ZSWIM4: variants seen among roughly 807,000 people sequenced by gnomAD.
ZSWIM4 encodes zinc finger SWIM domain-containing protein 4.
Under a neutral mutation model 102.5 loss-of-function variants are expected in ZSWIM4, and 62 were observed. The observed-to-expected ratio is 0.60, with a 90% CI of 0.49 to 0.75. The LOEUF (loss-of-function observed/expected upper bound fraction) is 0.75, where lower values mean the gene tolerates loss of function less well. Among genes scored for constraint, ZSWIM4 ranks in the 30% least tolerant of loss-of-function variants. The pLI, the probability that ZSWIM4 is intolerant of heterozygous loss-of-function variation, is 0.00. For missense variants in ZSWIM4, 1,280 were observed against 1,529.6 expected (o/e 0.84, Z 2.72); for synonymous variants, 652 against 674.5 (o/e 0.97, Z 0.52).
Position 13,817,273 on chromosome 19 carries a change from C to T in ZSWIM4, c.1589C>T (p.Pro530Leu), listed in dbSNP as rs779349666. The T allele has an allele frequency of 6.2e-7, 1 of 1,614,082 alleles. No individual in the cohort carries two copies. Among genetic ancestry groups the T allele is most frequent in the Admixed American group, 1.7e-5 (1 of 60,012 alleles). ...AACACCGAAGGATGGGTGGGGCACC[C>T]CCTGGACCCCATTGGCTGCCTCTGC... is the stretch of plus-strand genomic sequence containing the variant. ...ITNTEGWVGHPLDPIGCLCRA... is the reference protein window; with the variant it reads ...ITNTEGWVGHLLDPIGCLCRA... Residue 530 changes from proline (P) to leucine (L), a missense_variant, in exon 8 of 14, where the codon CCC (proline) becomes CTC (leucine). Physicochemically the swap from Pro to Leu is moderately conservative, Grantham distance 98 (BLOSUM62 -3). Coordinates refer to ENST00000590508, the MANE Select transcript of ZSWIM4 (RefSeq NM_001367834.3).
Position 13,830,207 on chromosome 19 carries a change from G to T in ZSWIM4, c.2478G>T (p.Met826Ile). The T allele has an allele frequency of 1.2e-6, 2 of 1,611,760 alleles. No individual in the cohort carries two copies. Among genetic ancestry groups the T allele is most frequent in the South Asian group, 1.1e-5 (1 of 91,040 alleles). Residue 826 changes from methionine to isoleucine, a missense_variant, in exon 14 of 14, where the codon ATG becomes ATT. Met to Ile is a conservative substitution (Grantham distance 10). Transcript: ENST00000590508. ...CATEIGPQAL[M>I]NIMQNWYSLF... is the part of the protein sequence containing the mutation. ...TCCCACCAGGCCCGCAAGCCCTGATGAATATCATGCAGAACTGGTATTCCT... is the reference window on the plus strand; with the variant it reads ...TCCCACCAGGCCCGCAAGCCCTGATTAATATCATGCAGAACTGGTATTCCT...
chr19:13,827,588 C>CAAAAAAAAAAAAAAAAA (rs35504300), intron 12 of ZSWIM4, among the ~76,000 whole-genome samples: 1 of 72,516 alleles, frequency 1.4e-5, no homozygotes, highest in Non-Finnish European at 2.7e-5. Flanking sequence ...GTGAGACCCT[C>CAAAAAAAAAAAAAAAAA]AAAAAAAAAA....
rs75791324 is a variant in ZSWIM4 at position 13,813,094 on chromosome 19, C to G, written c.1110C>G (p.Val370=). Residue 370 remains valine (V), a synonymous_variant, in exon 6 of 14, where the codon GTC becomes GTG. Coordinates refer to ENST00000590508, the MANE Select transcript of ZSWIM4 (RefSeq NM_001367834.3). ...TCAGCAGGTGGGACAAGCTCGACGT[C>G]TGCCCACTGGAAGAGGGCAACTACT... is the stretch of plus-strand genomic sequence containing the variant. The part of the protein sequence containing the change: ...QLLSRWDKLD[V]CPLEEGNYSF... 3.5e-3 allele frequency: 5,666 copies of G among 1,614,008 alleles called. 176 individuals carry two copies. In the African/African-American group the frequency reaches 0.067, roughly 19 times the overall value.
rs1390438854 is a variant in ZSWIM4 at position 13,830,869 on chromosome 19, G to A, written c.3140G>A (p.Arg1047His). The A allele has an allele frequency of 1.2e-6, 2 of 1,613,974 alleles. No homozygotes were observed. Among genetic ancestry groups the A allele is most frequent in the South Asian group, 1.1e-5 (1 of 91,074 alleles). ...GCCTACATCACCACCAGCCACTCGCGCCTCACGCACATCAGCCCGCGGCAC... is the reference window on the plus strand; with the variant it reads ...GCCTACATCACCACCAGCCACTCGCACCTCACGCACATCAGCCCGCGGCAC... ...VTAYITTSHSRLTHISPRHYG... is the reference protein window; with the variant it reads ...VTAYITTSHSHLTHISPRHYG... The change falls in exon 14 of 14, where the codon CGC (arginine) becomes CAC (histidine). Residue 1047 changes from arginine (R) to histidine (H), a missense_variant. Transcript: ENST00000590508.
chr19:13,812,623 C>CTTT (rs545020943), intron 5 of ZSWIM4, among the ~76,000 whole-genome samples: 18 of 130,410 alleles, frequency 1.4e-4, no homozygotes, highest in African/African-American at 4.9e-4. Context: ...TCATGCCTGG[C>CTTT]TTTTTTTTTT....
At chr19:13,826,938 G>A (rs988566920) in intron 12 of ZSWIM4, among the ~76,000 whole-genome samples, 2 of 151,322 alleles carry the variant, frequency 1.3e-5, no homozygotes, top group East Asian at 3.9e-4. Context: ...GGGGTCTGCA[G>A]GATAGACAGG....
chr19:13,814,524 A>G lies in ZSWIM4; in HGVS notation c.1190A>G (p.Glu397Gly), dbSNP rs1236509374. 35 of 1,156,414 alleles carry G rather than the reference A, an allele frequency of 3.0e-5. No homozygotes were observed. Among genetic ancestry groups the G allele is most frequent in the Non-Finnish European group, 3.8e-5 (35 of 918,756 alleles). The allele number at this position is 1,156,414 out of a possible 1,614,324, so 71.6% of individuals were successfully genotyped here. The change falls in exon 7 of 14, where the codon GAA (glutamate) becomes GGA (glycine). Residue 397 changes from glutamate (E) to glycine (G), a missense_variant. Physicochemically the swap from Glu to Gly is moderately conservative, Grantham distance 98 (BLOSUM62 -2). Coordinates refer to ENST00000590508, the MANE Select transcript of ZSWIM4 (RefSeq NM_001367834.3). ...PTMAPAPGSE[E>G]EEEVAATSPR... Reference sequence around the variant, plus strand: ...GGGTGCCTCTCTGCAGGCTCGGAGGAAGAGGAAGAGGTGGCAGCCACAAGT... The same window carrying G: ...GGGTGCCTCTCTGCAGGCTCGGAGGGAGAGGAAGAGGTGGCAGCCACAAGT...
chr19:13,817,382 G>T, intron 8 of ZSWIM4, 29 bp downstream of exon 8: 1 of 1,601,240 alleles, frequency 6.2e-7, no homozygotes, highest in Non-Finnish European at 8.5e-7. Flanking sequence ...CTTGGAGGAG[G>T]TGGGACAACC....
Position 13,809,189 on chromosome 19 carries a change from G to C in ZSWIM4, c.981G>C (p.Thr327=). 1.2e-6 allele frequency: 2 copies of C among 1,611,064 alleles called. No homozygotes were observed. Among genetic ancestry groups the C allele is most frequent in the Non-Finnish European group, 1.7e-6 (2 of 1,178,750 alleles). ...ALWRQQGAGM[T]DKCRQLWDEL... is the part of the protein sequence containing the mutation. ...GGCGGCAGCAGGGCGCGGGCATGAC[G>C]GACAAGTGCCGGCAGCTCTGGGATG... The change falls in exon 5 of 14, where the codon ACG becomes ACC. Residue 327 remains threonine (T), a synonymous_variant. Transcript: ENST00000590508. This position sits in a 1 kb window ranked among gnomAD's most constrained non-coding sequence, Gnocchi z 4.2.
rs1975582900 is a variant in ZSWIM4, at chr19:13,825,559, A to G, written c.2225A>G (p.Lys742Arg). 7 of 1,613,974 alleles carry G rather than the reference A, an allele frequency of 4.3e-6. No individual in the cohort carries two copies. The highest frequency in any genetic ancestry group is 5.9e-6 in the Non-Finnish European group (7 of 1,179,908). Reference sequence around the variant, plus strand: ...CCCGCCCTTCACCCAGGAGACCCCAAGTGGCTGCACACGGTACTGGGCTCC... The same window carrying G: ...CCCGCCCTTCACCCAGGAGACCCCAGGTGGCTGCACACGGTACTGGGCTCC... ...TMLTAAKGDP[K>R]WLHTVLGSIQ... The change falls in exon 12 of 14, where the codon AAG (lysine) becomes AGG (arginine). Residue 742 changes from lysine to arginine, a missense_variant. Physicochemically the swap from Lys to Arg is conservative, Grantham distance 26. Coordinates refer to ENST00000590508, the MANE Select transcript of ZSWIM4 (RefSeq NM_001367834.3). The surrounding 1 kb of genome is among the most constrained non-coding windows in gnomAD (Gnocchi z 4.6).
chr19:13,822,847 T>C (rs1599611308), intron 10 of ZSWIM4, among the ~76,000 whole-genome samples: 1 of 151,984 alleles, frequency 6.6e-6, no homozygotes. Context: ...GGTGTGGTAG[T>C]ACACGCCTGT....
At position 13,825,537 on chromosome 19, in the gene ZSWIM4, G is replaced by C; in HGVS notation, c.2216-13G>C. 2.5e-6 allele frequency: 4 copies of C among 1,612,782 alleles called. No homozygotes were observed. The highest frequency in any genetic ancestry group is 3.4e-6 in the Non-Finnish European group (4 of 1,179,102). On this transcript the variant is annotated splice_polypyrimidine_tract_variant and intron_variant, in intron 11 of 13. Transcript: ENST00000590508. The surrounding 1 kb of genome is among the most constrained non-coding windows in gnomAD (Gnocchi z 4.6). ...TGTATCCGATGGTGTCCTCTGTCCCGCCCTTCACCCAGGAGACCCCAAGTG... is the reference window on the plus strand; with the variant it reads ...TGTATCCGATGGTGTCCTCTGTCCCCCCCTTCACCCAGGAGACCCCAAGTG...
Position 13,795,795 on chromosome 19 carries a change from C to T in ZSWIM4, c.147C>T (p.Phe49=). The T allele has an allele frequency of 8.0e-7, 1 of 1,251,280 alleles. No homozygotes were observed. The highest frequency in any genetic ancestry group is 1.0e-6 in the Non-Finnish European group (1 of 997,118). The allele number at this position is 1,251,280 out of a possible 1,614,324, so 77.5% of individuals were successfully genotyped here. ...AGCGGGTAGCCGAGAGCTGGGCCTTCGAGCAGGTGACCGCGGGGGAAGGGG... is the reference window on the plus strand; with the variant it reads ...AGCGGGTAGCCGAGAGCTGGGCCTTTGAGCAGGTGACCGCGGGGGAAGGGG... The part of the protein sequence containing the change: ...SAKRVAESWA[F]EQVEERFSRV... The change falls in exon 1 of 14, where the codon TTC becomes TTT. Residue 49 remains phenylalanine (F), a synonymous_variant. Transcript: ENST00000590508.
chr19:13,829,026 C>G (rs934050099), intron 13 of ZSWIM4, among the ~76,000 whole-genome samples: 17 of 151,704 alleles, frequency 1.1e-4, no homozygotes, highest in African/African-American at 4.1e-4. Context: ...ATTGCTTGAG[C>G]CCAGGAGGTC....
chr19:13,823,194 TG>T (rs1975514144), intron 10 of ZSWIM4, 151 bp from the exon 11 acceptor site: 2 of 691,180 alleles, frequency 2.9e-6, no homozygotes, highest in South Asian at 4.3e-5. Flanking sequence ...AACACTGCAG[TG>T]AACATCTTGC....
intron 8 of ZSWIM4, 21 bp downstream of exon 8, chr19:13,817,374 T>C: frequency 6.2e-7 from 1 of 1,603,850 alleles, no homozygotes; most frequent in Non-Finnish European, 8.5e-7. Flanking sequence ...GGGGTACTCT[T>C]GGAGGAGGTG....
At chr19:13,803,152 C>G (rs2607274) in intron 2 of ZSWIM4, among the ~76,000 whole-genome samples, 71,449 of 151,924 alleles carry the variant, frequency 0.47, 19,773 homozygotes, top group African/African-American at 0.79. Flanking sequence ...GCTTTGGAGC[C>G]CCTTTGCTGG....
intron 2 of ZSWIM4, among the ~76,000 whole-genome samples, chr19:13,804,561 C>T (rs543431092): frequency 1.3e-5 from 2 of 151,972 alleles, no homozygotes; most frequent in East Asian, 3.9e-4. Flanking sequence ...GCAGGAGAAT[C>T]GCTTGAACCT....
Position 13,795,814 on chromosome 19 carries a change from G to A in ZSWIM4, c.153+13G>A, listed in dbSNP as rs779175525. On this transcript the variant is annotated intron_variant, in intron 1 of 13. Coordinates refer to ENST00000590508, the MANE Select transcript of ZSWIM4 (RefSeq NM_001367834.3). ...GGCCTTCGAGCAGGTGACCGCGGGG[G>A]AAGGGGGCGGGGGCAGGGACGCACC... is the stretch of plus-strand genomic sequence containing the variant. 4 of 1,243,528 alleles carry A rather than the reference G, an allele frequency of 3.2e-6. No individual in the cohort carries two copies. The highest frequency in any genetic ancestry group is 3.7e-5 in the Admixed American group (1 of 26,712). 77.0% of individuals were successfully genotyped at this position (1,243,528 alleles called of 1,614,324 possible). A position where few individuals can be genotyped will look rare whatever the true frequency, so the allele number is the denominator to read the frequency against.
Sources: allele counts gnomAD v4.1 joint callset (sites outside exome capture counted in the v4.1 genomes callset), GRCh38; gene constraint gnomAD v4.1.1; non-coding constraint Gnocchi (gnomAD v3.1); transcripts MANE v1.5; gene names NCBI Gene and HGNC (gene_info 2026-07-23, HGNC 2026-07-21).